The following EPB41L1 variants were observed in gnomAD, a reference collection of about 807,000 sequenced individuals.
EPB41L1 encodes erythrocyte membrane protein band 4.1 like 1.
In EPB41L1, 29 loss-of-function variants were observed where a neutral mutation model predicts 97.8. The observed-to-expected ratio is 0.30, with a 90% CI of 0.22 to 0.40. The LOEUF (loss-of-function observed/expected upper bound fraction) is 0.40, where lower values mean the gene tolerates loss of function less well. EPB41L1 is among the 10% of genes least tolerant of loss of function. The probability of loss-of-function intolerance (pLI) is 1.00; values close to 1 mark genes in which losing one functional copy is unlikely to be tolerated. For synonymous variants in EPB41L1, 383 were observed against 459.2 expected, an observed-to-expected ratio of 0.83 and a Z score of 2.12; for missense variants, 812 against 1,162.3, an observed-to-expected ratio of 0.70 and a Z score of 4.38.
chr20:36,209,990 T>G lies in EPB41L1; in HGVS notation c.2079+92T>G. Reference sequence around the variant, plus strand: ...CCGTGAGAAGACCGAGCACCCAGCCTGCAGCCTGAAGCTCTGTCTCGTGTT... The same window carrying G: ...CCGTGAGAAGACCGAGCACCCAGCCGGCAGCCTGAAGCTCTGTCTCGTGTT... On this transcript the variant is annotated intron_variant, in intron 15 of 21. Transcript: ENST00000338074. This position sits in a 1 kb window ranked among gnomAD's most constrained non-coding sequence, Gnocchi z 4.2. The G allele has an allele frequency of 6.8e-7, 1 of 1,477,170 alleles. No individual in the cohort carries two copies. The highest frequency in any genetic ancestry group is 9.2e-7 in the Non-Finnish European group (1 of 1,083,198). 91.5% of individuals were successfully genotyped at this position (1,477,170 alleles called of 1,614,324 possible). A position where few individuals can be genotyped will look rare whatever the true frequency, so the allele number is the denominator to read the frequency against.
At chr20:36,156,061 C>T (rs972277023) in intron 1 of EPB41L1, among the ~76,000 whole-genome samples, 6 of 152,234 alleles carry the variant, frequency 3.9e-5, no homozygotes, top group African/African-American at 1.4e-4. Context: ...CTGTGTGCCT[C>T]TCTGCCCACC....
intron 1 of EPB41L1, among the ~76,000 whole-genome samples, chr20:36,169,410 G>A (rs1011138982): frequency 1.3e-5 from 2 of 152,142 alleles, no homozygotes; most frequent in African/African-American, 4.8e-5. Context: ...ATGAATGACT[G>A]TGTGAAGTCT....
At chr20:36,137,191 C>T (rs969400037) in intron 2 of EPB41L1, among the ~76,000 whole-genome samples, 5 of 151,486 alleles carry the variant, frequency 3.3e-5, no homozygotes, top group Admixed American at 2.0e-4. Context: ...ATTCGCCCCT[C>T]AGCCTCCCAA....
At chr20:36,125,556 G>T in intron 2 of EPB41L1, 1 of 1,534,922 alleles carries the variant, frequency 6.5e-7, no homozygotes, top group South Asian at 1.2e-5. Context: ...TTCAACAGTG[G>T]GGGATTCAGA....
chr20:36,204,493 T>G (rs1265081529), intron 14 of EPB41L1, among the ~76,000 whole-genome samples: 2 of 142,620 alleles, frequency 1.4e-5, no homozygotes, highest in Middle Eastern at 3.5e-3. Flanking sequence ...TTTTTTTTTT[T>G]TTTTGAGATG....
rs372172579 is a variant in EPB41L1, at chr20:36,207,186, G to A, written c.1669-2302G>A. 3.3e-5 allele frequency: 42 copies of A among 1,288,132 alleles called. No homozygotes were observed. In the East Asian group the frequency reaches 5.6e-4, roughly 17 times the overall value. The allele number at this position is 1,288,132 out of a possible 1,614,324, so 79.8% of individuals were successfully genotyped here. On this transcript the variant is annotated intron_variant, in intron 14 of 21. Coordinates refer to ENST00000338074, the MANE Select transcript of EPB41L1 (RefSeq NM_012156.2). This position sits in a 1 kb window ranked among gnomAD's most constrained non-coding sequence, Gnocchi z 4.9. ...CAGGGGAGCCTTCGGAGCTCAGGGA[G>A]CCCTTTCTTAGACATGTCCATCTTT...
At chr20:36,111,589 C>G (rs1302226852) in intron 1 of EPB41L1, among the ~76,000 whole-genome samples, 4 of 152,012 alleles carry the variant, frequency 2.6e-5, no homozygotes, top group African/African-American at 9.7e-5. Context: ...AGTTTGAAAC[C>G]AGCTTGGCCA....
At chr20:36,128,694 C>T (rs1266450900) in intron 2 of EPB41L1, among the ~76,000 whole-genome samples, 1 of 152,196 alleles carries the variant, frequency 6.6e-6, no homozygotes, top group Non-Finnish European at 1.5e-5. Context: ...GGGGTTGCAT[C>T]TGGTAGTGAC....
At position 36,190,768 on chromosome 20, in the gene EPB41L1, G is replaced by C. The variant is rs774557660; in HGVS notation, c.1271G>C (p.Arg424Pro). Residue 424 changes from arginine (R) to proline (P), a missense_variant, in exon 11 of 22, where the codon CGG becomes CCG. Transcript: ENST00000338074. This position sits in a 1 kb window ranked among gnomAD's most constrained non-coding sequence, Gnocchi z 5.8. ...APFFERSSSK[R>P]YTMSRSLDGA... Reference sequence around the variant, plus strand: ...TTCTTTGAGCGTTCTTCCAGCAAACGGTACACCATGTCCCGCAGCCTTGAT... The same window carrying C: ...TTCTTTGAGCGTTCTTCCAGCAAACCGTACACCATGTCCCGCAGCCTTGAT... The C allele has an allele frequency of 8.7e-6, 14 of 1,614,062 alleles. No homozygotes were observed. The South Asian group carries it at 1.4e-4, about 16-fold the overall frequency.
intron 2 of EPB41L1, among the ~76,000 whole-genome samples, chr20:36,143,630 T>G: frequency 6.6e-6 from 1 of 152,136 alleles, no homozygotes; most frequent in South Asian, 2.1e-4. Flanking sequence ...ATTATCTATC[T>G]ATCACTCAGG....
chr20:36,181,317 C>T (rs2061463971), intron 5 of EPB41L1, among the ~76,000 whole-genome samples: 1 of 152,176 alleles, frequency 6.6e-6, no homozygotes, highest in Non-Finnish European at 1.5e-5. Context: ...CTCATATCTA[C>T]CTGCCTTCAT....
chr20:36,145,347 G>A (rs989814600), intron 2 of EPB41L1, among the ~76,000 whole-genome samples: 2 of 143,318 alleles, frequency 1.4e-5, no homozygotes, highest in African/African-American at 5.3e-5. Flanking sequence ...CTGAGATTGC[G>A]ATCACACCAC....
chr20:36,159,772 ACAGAGAGGTTCC>A (rs547704637), intron 1 of EPB41L1, among the ~76,000 whole-genome samples: 1 of 152,340 alleles, frequency 6.6e-6, no homozygotes, highest in Admixed American at 6.5e-5. Flanking sequence ...GGGGAATAGG[ACAGAGAGGTTCC>A]CAGTGAGGAC....
chr20:36,223,935 G>T (rs1289742599), intron 21 of EPB41L1, among the ~76,000 whole-genome samples: 1 of 152,158 alleles, frequency 6.6e-6, no homozygotes, highest in Non-Finnish European at 1.5e-5. Context: ...ATAATTGCTG[G>T]TCTCCTTTTT....
At chr20:36,129,830 A>G (rs532211553) in intron 2 of EPB41L1, among the ~76,000 whole-genome samples, 1 of 151,948 alleles carries the variant, frequency 6.6e-6, no homozygotes, top group South Asian at 2.1e-4. Flanking sequence ...GTGGCAACTC[A>G]CAGGTGCAAT....
At chr20:36,188,240 G>T in intron 8 of EPB41L1, 107 bp from the exon 9 acceptor site, 1 of 1,488,998 alleles carries the variant, frequency 6.7e-7, no homozygotes. Context: ...CCCTGTTCCT[G>T]AGAGCTCGTT....
At position 36,229,813 on chromosome 20, in the gene EPB41L1, A is replaced by C. The variant is rs2064409483; in HGVS notation, c.*473A>C. The C allele has an allele frequency of 6.5e-6, 1 of 153,564 alleles. No homozygotes were observed. Among genetic ancestry groups the C allele is most frequent in the Non-Finnish European group, 1.5e-5 (1 of 68,776 alleles). 9.5% of individuals were successfully genotyped at this position (153,564 alleles called of 1,614,324 possible). ...CCATTTGTTCTTCTCCAGCATCTCT[A>C]AGGCCCACTTGAATGCAAAGGAAAA... is the stretch of plus-strand genomic sequence containing the variant. On this transcript the variant is annotated 3_prime_UTR_variant, in exon 22 of 22. Transcript: ENST00000338074.
chr20:36,188,258 G>A (rs531530570), intron 8 of EPB41L1, 89 bp from the exon 9 acceptor site: 2 of 1,569,806 alleles, frequency 1.3e-6, no homozygotes, highest in East Asian at 2.2e-5. Flanking sequence ...GTTACAAGCA[G>A]CGCACAGGGC....
intron 1 of EPB41L1, among the ~76,000 whole-genome samples, chr20:36,108,499 A>AC (rs55864618): frequency 1 from 151,516 of 151,516 alleles, 75,758 homozygotes; most frequent in Non-Finnish European, 1. Context: ...ACATGGGGAA[A>AC]CCTGTCTCTA....
Sources: allele counts gnomAD v4.1 joint callset (sites outside exome capture counted in the v4.1 genomes callset), GRCh38; gene constraint gnomAD v4.1.1; non-coding constraint Gnocchi (gnomAD v3.1); transcripts MANE v1.5; gene names NCBI Gene and HGNC (gene_info 2026-07-23, HGNC 2026-07-21).